Variants in CPM observed in about 807,000 individuals in gnomAD.
CPM encodes the protein renal carboxypeptidase.
Under a neutral mutation model 46.4 loss-of-function variants are expected in CPM, and 35 were observed. The ratio of observed to expected loss-of-function variants is 0.75; its 90% CI spans 0.58 to 1.00. The LOEUF is 1.00. CPM is among the 50% of genes least tolerant of loss of function. CPM has a pLI of 0.00. For synonymous variants in CPM, 195 were observed against 195.3 expected (o/e 1.00, Z 0.01); for missense variants, 422 against 530.4 (o/e 0.80, Z 2.01).
chr12:68,860,457 A>T (rs1023990081), intron 7 of CPM, among the ~76,000 whole-genome samples: 12 of 151,938 alleles, frequency 7.9e-5, no homozygotes, highest in Admixed American at 4.6e-4. Flanking sequence ...GTTTTATTTA[A>T]TTAATTAATT....
At chr12:68,886,649 T>G (rs982267125) in intron 2 of CPM, among the ~76,000 whole-genome samples, 1 of 152,018 alleles carries the variant, frequency 6.6e-6, no homozygotes, top group Non-Finnish European at 1.5e-5. Flanking sequence ...AATAAATAAA[T>G]AAATAAAATT....
At chr12:68,877,098 A>G (rs1047178114) in intron 3 of CPM, among the ~76,000 whole-genome samples, 13 of 152,174 alleles carry the variant, frequency 8.5e-5, no homozygotes, top group Non-Finnish European at 1.8e-4. Context: ...TCTTCTTCAA[A>G]TATCAGCCTA....
At chr12:68,939,405 TA>T (rs926439104) in intron 1 of CPM, among the ~76,000 whole-genome samples, 1 of 149,500 alleles carries the variant, frequency 6.7e-6, no homozygotes, top group East Asian at 1.9e-4. Context: ...CATAAATATA[TA>T]AAAAAGAATA....
At chr12:68,885,763 C>T (rs1311695470) in intron 3 of CPM, 29 bp downstream of exon 3, 2 of 1,572,918 alleles carry the variant, frequency 1.3e-6, no homozygotes, top group Non-Finnish European at 1.7e-6. Context: ...TCTCTGGTGA[C>T]ATTTCAGAAA....
rs534349683 is a variant in CPM at position 68,873,869 on chromosome 12, C to G, written c.259-1913G>C. 2.6e-5 allele frequency among the ~76,000 whole-genome samples: 4 copies of G among 151,794 alleles called. No homozygotes were observed. The South Asian group carries it at 8.3e-4, about 32-fold the overall frequency. ...CACCCAGGCTAGAGTGCAGTGGCAC[C>G]ATGTTGGCTCACTACAACCTCCGTC... is the stretch of plus-strand genomic sequence containing the variant. On this transcript the variant is annotated intron_variant, in intron 3 of 8. Coordinates refer to ENST00000551568, the MANE Select transcript of CPM (RefSeq NM_198320.5).
rs190669232 is a variant in CPM at position 68,891,330 on chromosome 12, C to T, written c.161-5441G>A. 9.2e-5 allele frequency among the ~76,000 whole-genome samples: 14 copies of T among 152,294 alleles called. No homozygotes were observed. In the South Asian group the frequency reaches 1.5e-3, roughly 16 times the overall value. ...AAACACTCATTCTCCAAAGTTCACA[C>T]GCCCTCTGTATTTGAAGGAGAGGAA... On this transcript the variant is annotated intron_variant, in intron 2 of 8. Transcript: ENST00000551568.
intron 5 of CPM, chr12:68,843,989 G>GT (rs894931476): frequency 1.5e-4 from 32 of 207,946 alleles, no homozygotes; most frequent in Middle Eastern, 1.6e-3. Context: ...AGCAGAATCT[G>GT]TTTTTTTCTG....
At chr12:68,881,099 C>T (rs1256338509) in intron 3 of CPM, among the ~76,000 whole-genome samples, 1 of 152,178 alleles carries the variant, frequency 6.6e-6, no homozygotes, top group African/African-American at 2.4e-5. Context: ...CCGGAGTTTG[C>T]TTTTGGCATT....
intron 5 of CPM, chr12:68,843,116 C>T (rs1883941876): frequency 4.5e-6 from 1 of 220,254 alleles, no homozygotes; most frequent in South Asian, 1.9e-4. Flanking sequence ...TAAAGCCACA[C>T]AATAATTTTG....
rs375789259 is a variant in CPM, at chr12:68,954,742, A to AT, written c.-4+8426dup. Among the ~76,000 whole-genome samples, 46 of 151,522 alleles carry AT rather than the reference A, an allele frequency of 3.0e-4. No homozygotes were observed. In the East Asian group the frequency reaches 3.9e-3, roughly 13 times the overall value. On this transcript the variant is annotated intron_variant, in intron 1 of 8. Coordinates refer to the CPM transcript ENST00000546373. ...TCAAACTCAACATTTTAAAAAAGCA[A>AT]TTTTTTTTTAGCTTTCTTAGGTAGT... is the stretch of plus-strand genomic sequence containing the variant.
chr12:68,861,210 T>A (rs985029823), intron 7 of CPM, among the ~76,000 whole-genome samples: 2 of 152,142 alleles, frequency 1.3e-5, no homozygotes, highest in African/African-American at 2.4e-5. Flanking sequence ...CTTATTTGGA[T>A]TAAGAAAAAC....
chr12:68,936,819 A>C (rs1425146639), upstream of CPM, among the ~76,000 whole-genome samples: 1 of 152,262 alleles, frequency 6.6e-6, no homozygotes, highest in East Asian at 1.9e-4. Context: ...GGTTTAAATC[A>C]GGTTATGAGA....
chr12:68,876,893 C>CATGT (rs1555194744), intron 3 of CPM, among the ~76,000 whole-genome samples: 125 of 148,354 alleles, frequency 8.4e-4, no homozygotes, highest in African/African-American at 2.9e-3. Flanking sequence ...CACGCGCATG[C>CATGT]GTGTGTGTGT....
intron 2 of CPM, among the ~76,000 whole-genome samples, chr12:68,902,752 G>T (rs2136280201): frequency 6.6e-6 from 1 of 152,334 alleles, no homozygotes; most frequent in Non-Finnish European, 1.5e-5. Context: ...GGCTCAGACA[G>T]CCTGGGCTTT....
chr12:68,934,558 C>T (rs1277419808), upstream of CPM, among the ~76,000 whole-genome samples: 1 of 152,148 alleles, frequency 6.6e-6, no homozygotes, highest in African/African-American at 2.4e-5. Context: ...CATCCATGTC[C>T]GTACAAAGGA....
At chr12:68,924,576 G>A (rs528519948) in intron 2 of CPM, among the ~76,000 whole-genome samples, 3 of 152,072 alleles carry the variant, frequency 2.0e-5, no homozygotes, top group South Asian at 2.1e-4. Flanking sequence ...GGTACTCTGC[G>A]TATTATGTTA....
At chr12:68,932,598 A>G in intron 2 of CPM, 80 bp downstream of exon 2, 1 of 1,530,492 alleles carries the variant, frequency 6.5e-7, no homozygotes, top group Non-Finnish European at 9.0e-7. Flanking sequence ...GGAAGAGCAG[A>G]CAGGAAGCTG....
intron 2 of CPM, among the ~76,000 whole-genome samples, chr12:68,927,072 T>C (rs1170248240): frequency 6.6e-6 from 1 of 152,108 alleles, no homozygotes; most frequent in Non-Finnish European, 1.5e-5. Context: ...CCTTTGGGTA[T>C]ATACCCAGTA....
At chr12:68,844,759 TTTTA>T (rs1884125597) in intron 5 of CPM, 1 of 205,688 alleles carries the variant, frequency 4.9e-6, no homozygotes, top group Non-Finnish European at 9.9e-6. Context: ...TTAATAAGGG[TTTTA>T]TTTTATTTTT....
Sources: allele counts gnomAD v4.1 joint callset (sites outside exome capture counted in the v4.1 genomes callset), GRCh38; gene constraint gnomAD v4.1.1; transcripts MANE v1.5; gene names NCBI Gene and HGNC (gene_info 2026-07-23, HGNC 2026-07-21).